Variants in TG observed in about 807,000 individuals in gnomAD.
TG encodes the protein thyroid hormones.
Under a neutral mutation model 324.7 loss-of-function variants are expected in TG, and 270 were observed. That is an observed-to-expected ratio of 0.83 (90% CI 0.75 to 0.92). The LOEUF is 0.92. Ranked by LOEUF, TG falls within the 40% of genes least tolerant of loss-of-function variation. The pLI, the probability that TG is intolerant of heterozygous loss-of-function variation, is 0.00. For synonymous variants in TG, 1,401 were observed against 1,327.0 expected (o/e 1.06, Z -1.21); for missense variants, 3,591 against 3,456.4 (o/e 1.04, Z -0.98).
Position 133,134,707 on chromosome 8 carries a change from T to A in TG, c.8220T>A (p.Ser2740Arg), listed in dbSNP as rs1263937635. Residue 2740 changes from serine to arginine, a missense_variant, in exon 48 of 48, where the codon AGT becomes AGA. By Grantham distance (110) the Ser-to-Arg change is moderately radical. Coordinates refer to ENST00000220616, the MANE Select transcript of TG (RefSeq NM_003235.5). ...DGAKGGQSAE[S>R]EEEELTAGSG... ...CCAAGGGCGGGCAGTCAGCAGAGAG[T>A]GAAGAGGAGGAGTTGACGGCTGGAT... The A allele has an allele frequency of 6.2e-6, 10 of 1,613,564 alleles. No individual in the cohort carries two copies. The highest frequency in any genetic ancestry group is 8.5e-6 in the Non-Finnish European group (10 of 1,179,910).
Position 133,105,110 on chromosome 8 carries a change from T to C in TG, c.7573-8312T>C. The stretch of plus-strand genomic sequence containing the variant: ...ATAATCTTGCAAGAAGCAGGTGAAC[T>C]CTGGTAGGCTTCCTACTTTTCTGGT... On this transcript the variant is annotated intron_variant, in intron 43 of 47. Coordinates refer to ENST00000220616, the MANE Select transcript of TG (RefSeq NM_003235.5). Among the ~76,000 whole-genome samples the C allele has an allele frequency of 1.3e-5, 2 of 152,248 alleles. 1 individual carries two copies. The highest frequency in any genetic ancestry group is 2.9e-5 in the Non-Finnish European group (2 of 68,050).
intron 41 of TG, among the ~76,000 whole-genome samples, chr8:133,059,748 A>C (rs982767170): frequency 2.0e-5 from 3 of 152,164 alleles, no homozygotes; most frequent in African/African-American, 7.2e-5. Context: ...TCAGAATTGG[A>C]TGGGCCTGGA....
At chr8:133,050,247 CA>C (rs1318644045) in intron 41 of TG, 2 of 511,640 alleles carry the variant, frequency 3.9e-6, no homozygotes, top group Non-Finnish European at 7.1e-6. Flanking sequence ...CAGGGATTAG[CA>C]GCTAATGTTC....
At chr8:133,054,979 G>T (rs1024002956) in intron 41 of TG, among the ~76,000 whole-genome samples, 1 of 152,122 alleles carries the variant, frequency 6.6e-6, no homozygotes, top group Non-Finnish European at 1.5e-5. Context: ...CCAGTGCCCT[G>T]CCCAGCCCTA....
chr8:132,868,108 T>C lies in TG; in HGVS notation c.68-7T>C. ...TCTTCTTTGATGAACCACTTTTCTTTTCCTAGAGTACCAGGTGGATGCCCA... is the reference window on the plus strand; with the variant it reads ...TCTTCTTTGATGAACCACTTTTCTTCTCCTAGAGTACCAGGTGGATGCCCA... On this transcript the variant is annotated splice_region_variant and splice_polypyrimidine_tract_variant and intron_variant, in intron 1 of 47. Transcript: ENST00000220616. 2 of 1,614,090 alleles carry C rather than the reference T, an allele frequency of 1.2e-6. No homozygotes were observed. Among genetic ancestry groups the C allele is most frequent in the Non-Finnish European group, 1.7e-6 (2 of 1,179,958 alleles).
chr8:133,069,952 G>A (rs935553313), intron 41 of TG, among the ~76,000 whole-genome samples: 2 of 132,846 alleles, frequency 1.5e-5, no homozygotes, highest in South Asian at 5.3e-4. Flanking sequence ...AGTGAGCCGA[G>A]ATTGTGCCAC....
At chr8:132,936,875 C>T (rs754598837) in intron 25 of TG, among the ~76,000 whole-genome samples, 1 of 152,156 alleles carries the variant, frequency 6.6e-6, no homozygotes, top group African/African-American at 2.4e-5. Context: ...CAAGGGAGGA[C>T]GGTGGGGCCC....
chr8:132,949,200 C>G (rs1182738056), intron 27 of TG, among the ~76,000 whole-genome samples: 3 of 152,206 alleles, frequency 2.0e-5, no homozygotes, highest in Non-Finnish European at 4.4e-5. Flanking sequence ...CTGCTGCTCT[C>G]AAGAATCTTG....
chr8:132,994,773 C>T (rs143337036), intron 35 of TG: 17 of 1,287,746 alleles, frequency 1.3e-5, no homozygotes, highest in South Asian at 2.5e-5. Flanking sequence ...TGAGGGCTTC[C>T]GTATAACTGG....
intron 41 of TG, among the ~76,000 whole-genome samples, chr8:133,091,648 G>A (rs755895932): frequency 2.0e-5 from 3 of 151,944 alleles, no homozygotes; most frequent in Non-Finnish European, 4.4e-5. Flanking sequence ...GTATCTTTGA[G>A]TATGTGTCTA....
chr8:132,968,014 C>T lies in TG; in HGVS notation c.5863+44C>T, dbSNP rs1659573279. On this transcript the variant is annotated intron_variant, in intron 31 of 47. Transcript: ENST00000220616. ...CTGCATAAACTGTATTTCCAATGTTCTGCTGGCTCTGTGGTTTTAGAAAGA... is the reference window on the plus strand; with the variant it reads ...CTGCATAAACTGTATTTCCAATGTTTTGCTGGCTCTGTGGTTTTAGAAAGA... 12 of 1,602,112 alleles carry T rather than the reference C, an allele frequency of 7.5e-6. No homozygotes were observed. The East Asian group carries it at 2.7e-4, about 36-fold the overall frequency.
At chr8:132,970,547 G>A (rs1829356530) in intron 32 of TG, among the ~76,000 whole-genome samples, 1 of 152,140 alleles carries the variant, frequency 6.6e-6, no homozygotes, top group Non-Finnish European at 1.5e-5. Flanking sequence ...TCTATGAAGT[G>A]CTCTTGAGTT....
At chr8:133,049,874 A>C (rs763734378) in intron 41 of TG, 21 of 1,407,770 alleles carry the variant, frequency 1.5e-5, no homozygotes, top group Non-Finnish European at 2.0e-5. Flanking sequence ...ATCATGCTTA[A>C]TTGCTGCCAT....
At chr8:132,884,865 A>G (rs2132145001) in intron 8 of TG, among the ~76,000 whole-genome samples, 1 of 152,372 alleles carries the variant, frequency 6.6e-6, no homozygotes, top group African/African-American at 2.4e-5. Flanking sequence ...TACATAACAA[A>G]TGGATGGAAA....
chr8:133,090,950 C>G (rs968474663), intron 41 of TG, among the ~76,000 whole-genome samples: 3 of 152,136 alleles, frequency 2.0e-5, no homozygotes, highest in African/African-American at 7.2e-5. Flanking sequence ...GCTCTGGCAC[C>G]TGCAGCCTAG....
At chr8:133,038,933 A>T (rs1837610994) in intron 41 of TG, among the ~76,000 whole-genome samples, 1 of 152,196 alleles carries the variant, frequency 6.6e-6, no homozygotes, top group Non-Finnish European at 1.5e-5. Context: ...GCTGGAGTGC[A>T]GTGGTGCAAT....
chr8:132,906,515 G>T (rs541108892), intron 16 of TG, among the ~76,000 whole-genome samples, 173 bp from the exon 17 acceptor site: 1 of 152,054 alleles, frequency 6.6e-6, no homozygotes, highest in African/African-American at 2.4e-5. Flanking sequence ...TAGAGGGCAG[G>T]GCAGAGAGAA....
At chr8:133,055,365 GCACACACACA>G (rs869172140) in intron 41 of TG, among the ~76,000 whole-genome samples, 16 of 62,276 alleles carry the variant, frequency 2.6e-4, no homozygotes, top group African/African-American at 1.3e-3. Context: ...ACGCACGCGC[GCACACACACA>G]CACACACACA....
intron 41 of TG, among the ~76,000 whole-genome samples, chr8:133,065,892 T>A (rs1012788956): frequency 1.3e-5 from 2 of 152,178 alleles, no homozygotes; most frequent in African/African-American, 4.8e-5. Flanking sequence ...ATCTCTTGGA[T>A]GTCACTTGGC....
Sources: allele counts gnomAD v4.1 joint callset (sites outside exome capture counted in the v4.1 genomes callset), GRCh38; gene constraint gnomAD v4.1.1; transcripts MANE v1.5; gene names NCBI Gene and HGNC (gene_info 2026-07-23, HGNC 2026-07-21).